SARNP: variants seen among roughly 807,000 people sequenced by gnomAD.
The protein encoded by SARNP is SAP domain-containing ribonucleoprotein.
In SARNP, 5 loss-of-function variants were observed where a neutral mutation model predicts 38.1. The ratio of observed to expected loss-of-function variants is 0.13; its 90% confidence interval spans 0.07 to 0.28. The LOEUF is 0.28. SARNP is among the 10% of genes least tolerant of loss of function. SARNP has a pLI of 1.00. For missense variants in SARNP, 180 were observed against 243.9 expected, an observed-to-expected ratio of 0.74 and a Z score of 1.75; for synonymous variants, 84 against 80.6, an observed-to-expected ratio of 1.04 and a Z score of -0.23.
intron 7 of SARNP, chr12:55,794,133 C>T: frequency 1.9e-6 from 1 of 523,286 alleles, no homozygotes; most frequent in Non-Finnish European, 3.4e-6. Context: ...CAAGAAAAGA[C>T]AGACAAATGT....
At chr12:55,775,169 G>C (rs1024316537) in intron 9 of SARNP, among the ~76,000 whole-genome samples, 1 of 148,524 alleles carries the variant, frequency 6.7e-6, no homozygotes. Flanking sequence ...TTACAGGTGC[G>C]AGCCACCACG....
Position 55,800,638 on chromosome 12 carries a change from A to C in SARNP, c.184-9T>G. 6.2e-7 allele frequency: 1 copy of C among 1,600,736 alleles called. No individual in the cohort carries two copies. The highest frequency in any genetic ancestry group is 8.5e-7 in the Non-Finnish European group (1 of 1,171,642). ...GGCTTTGTTTCTTCTTCCTAAAACCAAATGAAACAAGGTGGTTAACATAAA... is the reference window on the plus strand; with the variant it reads ...GGCTTTGTTTCTTCTTCCTAAAACCCAATGAAACAAGGTGGTTAACATAAA... On this transcript the variant is annotated splice_polypyrimidine_tract_variant and intron_variant, in intron 3 of 10. Transcript: ENST00000336133.
chr12:55,789,943 C>CAAA (rs1158181574), intron 8 of SARNP, among the ~76,000 whole-genome samples: 4 of 45,774 alleles, frequency 8.7e-5, no homozygotes, highest in African/African-American at 2.4e-4. Context: ...AACTCCGTCT[C>CAAA]AAAAAAAAAA....
At position 55,790,592 on chromosome 12, in the gene SARNP, C is replaced by T. The variant is rs757836822; in HGVS notation, c.407G>A (p.Gly136Asp). ...RFGISSVPTK[G>D]LSSDNKPMVN... ...CATAGGTTTGTTATCAGATGACAGA[C>T]CTAAGGAAGTAAATAAAGTTTTATT... Residue 136 changes from glycine to aspartate, a missense_variant and splice_region_variant, in exon 8 of 11, where the codon GGT (glycine) becomes GAT (aspartate). Coordinates refer to ENST00000336133, the MANE Select transcript of SARNP (RefSeq NM_033082.4). The T allele has an allele frequency of 3.9e-6, 6 of 1,529,500 alleles. No homozygotes were observed. In the African/African-American group the frequency reaches 5.6e-5, roughly 14 times the overall value. The allele number at this position is 1,529,500 out of a possible 1,614,324, so 94.7% of individuals were successfully genotyped here. A position where few individuals can be genotyped will look rare whatever the true frequency, so the allele number is the denominator to read the frequency against.
chr12:55,787,762 T>C (rs544429134), intron 9 of SARNP, among the ~76,000 whole-genome samples: 2 of 151,470 alleles, frequency 1.3e-5, no homozygotes, highest in African/African-American at 4.8e-5. Flanking sequence ...TTTTTTTTTT[T>C]TCTTGAGACG....
At chr12:55,807,441 G>A (rs1428920149) in intron 1 of SARNP, among the ~76,000 whole-genome samples, 3 of 151,890 alleles carry the variant, frequency 2.0e-5, no homozygotes, top group East Asian at 3.9e-4. Context: ...AGGCCAAGGC[G>A]GGAGGATTGC....
At chr12:55,805,157 G>C (rs868705583) in intron 1 of SARNP, among the ~76,000 whole-genome samples, 37 of 152,162 alleles carry the variant, frequency 2.4e-4, no homozygotes, top group African/African-American at 8.2e-4. Flanking sequence ...AGCTACTCGG[G>C]AGGCTGAGGC....
At chr12:55,766,842 G>C (rs1878852235) in intron 9 of SARNP, among the ~76,000 whole-genome samples, 1 of 151,932 alleles carries the variant, frequency 6.6e-6, no homozygotes, top group East Asian at 1.9e-4. Context: ...GGCTGGTCTT[G>C]AACTCCTAAG....
At position 55,778,471 on chromosome 12, in the gene SARNP, T is replaced by C. The variant is rs116371408; in HGVS notation, c.501+10604A>G. Among the ~76,000 whole-genome samples the C allele has an allele frequency of 2.6e-3, 390 of 152,278 alleles. 3 individuals carry two copies. Among genetic ancestry groups the C allele is most frequent in the African/African-American group, 8.4e-3 (349 of 41,564 alleles). On this transcript the variant is annotated intron_variant, in intron 9 of 10. Coordinates refer to ENST00000336133, the MANE Select transcript of SARNP (RefSeq NM_033082.4). ...TGTTTCCCCTTTAAACAGCTCCTTT[T>C]ACCACTCCCTCAAAGTTTGTTCCAT...
intron 5 of SARNP, among the ~76,000 whole-genome samples, chr12:55,795,805 TAATATTACA>T (rs1440991865): frequency 1.3e-5 from 2 of 152,180 alleles, no homozygotes; most frequent in African/African-American, 4.8e-5. Context: ...GTTAAGACCA[TAATATTACA>T]TATAAAAAGA....
chr12:55,787,381 GT>G (rs1314308475), intron 9 of SARNP, among the ~76,000 whole-genome samples: 1 of 152,120 alleles, frequency 6.6e-6, no homozygotes, highest in Non-Finnish European at 1.5e-5. Flanking sequence ...TGTCAGGTAA[GT>G]TTCTTCCAAT....
Position 55,794,439 on chromosome 12 carries a change from T to C in SARNP, c.378-52A>G, listed in dbSNP as rs745496115. On this transcript the variant is annotated intron_variant, in intron 6 of 10. Coordinates refer to ENST00000336133, the MANE Select transcript of SARNP (RefSeq NM_033082.4). Reference sequence around the variant, plus strand: ...TTAGGAAGCTGTTCACACTCCTGGTTTGTCTGTCTCCGTGTCAAGTATACA... The same window carrying C: ...TTAGGAAGCTGTTCACACTCCTGGTCTGTCTGTCTCCGTGTCAAGTATACA... 2.0e-6 allele frequency: 3 copies of C among 1,529,328 alleles called. No individual in the cohort carries two copies. In the South Asian group the frequency reaches 3.5e-5, roughly 18 times the overall value. The allele number at this position is 1,529,328 out of a possible 1,614,324, so 94.7% of individuals were successfully genotyped here.
At chr12:55,803,411 G>A (rs1256854731) in intron 2 of SARNP, among the ~76,000 whole-genome samples, 3 of 151,720 alleles carry the variant, frequency 2.0e-5, no homozygotes, top group Non-Finnish European at 2.9e-5. Flanking sequence ...TTGAAGCCGG[G>A]AGACAGAGGT....
chr12:55,817,718 CCA>C lies in SARNP; in HGVS notation c.-19_-18del, dbSNP rs748902015. The C allele has an allele frequency of 6.2e-7, 1 of 1,609,234 alleles. No individual in the cohort carries two copies. The highest frequency in any genetic ancestry group is 1.7e-5 in the Admixed American group (1 of 58,496). On this transcript the variant is annotated 5_prime_UTR_variant, in exon 1 of 11. Coordinates refer to ENST00000336133, the MANE Select transcript of SARNP (RefSeq NM_033082.4). ...GGTCGCCATCTTGTTACCCCTCACT[CCA>C]CTAGGCCCCCACCCGCGGCCTCCGC...
At chr12:55,762,356 A>G (rs980410398) in intron 9 of SARNP, among the ~76,000 whole-genome samples, 3 of 148,152 alleles carry the variant, frequency 2.0e-5, no homozygotes, top group Non-Finnish European at 3.0e-5. Context: ...CCCAGGCTGG[A>G]GTGCAGTGGC....
chr12:55,754,161 A>G (rs1045144253), downstream of SARNP: 5 of 152,132 alleles, frequency 3.3e-5, no homozygotes, highest in Non-Finnish European at 7.3e-5. Flanking sequence ...TATGTATTCT[A>G]TCTTCCCAAG....
intron 2 of SARNP, among the ~76,000 whole-genome samples, chr12:55,802,020 T>C (rs981076222): frequency 6.6e-6 from 1 of 152,070 alleles, no homozygotes; most frequent in Non-Finnish European, 1.5e-5. Context: ...AACAGAAAAA[T>C]GGGCAAAGAA....
chr12:55,801,148 AAAGT>A (rs1439913673), intron 2 of SARNP, among the ~76,000 whole-genome samples: 5 of 152,220 alleles, frequency 3.3e-5, no homozygotes, highest in Non-Finnish European at 7.3e-5. Flanking sequence ...ATTAATTTTA[AAAGT>A]AATGTTGGGC....
chr12:55,793,697 T>C (rs1879739883), intron 7 of SARNP: 1 of 152,296 alleles, frequency 6.6e-6, no homozygotes, highest in Admixed American at 6.5e-5. Context: ...TATGTATCCT[T>C]CCAAGCTTTT....
Sources: allele counts gnomAD v4.1 joint callset (sites outside exome capture counted in the v4.1 genomes callset), GRCh38; gene constraint gnomAD v4.1.1; transcripts MANE v1.5; gene names NCBI Gene and HGNC (gene_info 2026-07-23, HGNC 2026-07-21).